GRPEL1: variants seen among roughly 807,000 people sequenced by gnomAD.
The protein encoded by GRPEL1 is grpE protein homolog 1, mitochondrial.
A neutral mutation model predicts 22.1 loss-of-function variants in GRPEL1; 13 were observed. That is an observed-to-expected ratio of 0.59 (90% CI 0.38 to 0.94). The LOEUF is 0.94. Ranked by LOEUF, GRPEL1 falls within the 40% of genes least tolerant of loss-of-function variation. The probability of loss-of-function intolerance (pLI) is 0.00; values close to 1 mark genes in which losing one functional copy is unlikely to be tolerated. For synonymous variants in GRPEL1, 109 were observed against 105.3 expected (o/e 1.03, Z -0.21); for missense variants, 289 against 264.6 (o/e 1.09, Z -0.64).
intron 1 of GRPEL1, 41 bp downstream of exon 1, chr4:7,067,930 C>A (rs768077104): frequency 3.6e-5 from 57 of 1,593,682 alleles, no homozygotes; most frequent in Non-Finnish European, 4.6e-5. Flanking sequence ...AGCGGGAGGT[C>A]GCGCTGCCAC....
Position 7,059,471 on chromosome 4 carries a change from G to C in GRPEL1, c.*1391C>G, listed in dbSNP as rs1723984188. The C allele has an allele frequency of 6.6e-6, 1 of 152,182 alleles. No homozygotes were observed. The highest frequency in any genetic ancestry group is 2.4e-5 in the African/African-American group (1 of 41,426). The allele number at this position is 152,182 out of a possible 1,614,324, so 9.4% of individuals were successfully genotyped here. A position where few individuals can be genotyped will look rare whatever the true frequency, so the allele number is the denominator to read the frequency against. Reference sequence around the variant, plus strand: ...CACAGCGTGAAAACAGGCAGCGCTGGAGCTCCCAGTCATGTTTTCTTCAAT... The same window carrying C: ...CACAGCGTGAAAACAGGCAGCGCTGCAGCTCCCAGTCATGTTTTCTTCAAT... On this transcript the variant is annotated 3_prime_UTR_variant, in exon 4 of 4. Coordinates refer to ENST00000264954, the MANE Select transcript of GRPEL1 (RefSeq NM_025196.4).
At chr4:7,061,749 A>C (rs1017859081) in intron 3 of GRPEL1, 4 of 155,716 alleles carry the variant, frequency 2.6e-5, no homozygotes, top group Non-Finnish European at 4.3e-5. Context: ...AAAGTGTTTC[A>C]ATGAGCGCCT....
rs1577222105 is a variant in GRPEL1, at chr4:7,064,343, C to T, written c.63-120G>A. The T allele has an allele frequency of 9.0e-6, 9 of 995,742 alleles. No individual in the cohort carries two copies. The East Asian group carries it at 2.4e-4, about 26-fold the overall frequency. 61.7% of individuals were successfully genotyped at this position (995,742 alleles called of 1,614,324 possible). A position where few individuals can be genotyped will look rare whatever the true frequency, so the allele number is the denominator to read the frequency against. On this transcript the variant is annotated intron_variant, in intron 1 of 3. Coordinates refer to ENST00000264954, the MANE Select transcript of GRPEL1 (RefSeq NM_025196.4). ...TATTTACTATTACTTGGGGAGAAAA[C>T]ATTTCTGTTAGATCTAATAAAGGCA...
chr4:7,064,655 C>T (rs1724125489), intron 1 of GRPEL1, among the ~76,000 whole-genome samples: 1 of 152,050 alleles, frequency 6.6e-6, no homozygotes, highest in South Asian at 2.1e-4. Flanking sequence ...CTCGTCACCA[C>T]ACCCGGCTAA....
rs1203628219 is a variant in GRPEL1, at chr4:7,061,024, G to A, written c.492C>T (p.Asn164=). The A allele has an allele frequency of 1.2e-6, 2 of 1,614,032 alleles. No homozygotes were observed. The highest frequency in any genetic ancestry group is 1.3e-5 in the African/African-American group (1 of 74,914). The part of the protein sequence containing the change: ...VFTKHGLLKL[N]PVGAKFDPYE... ...AAGGGTCGAACTTGGCTCCGACAGG[G>A]TTCAACTTGAGCAAGCCATGCTTTG... is the stretch of plus-strand genomic sequence containing the variant. The change falls in exon 4 of 4, where the codon AAC becomes AAT. Residue 164 remains asparagine (N), a synonymous_variant. Transcript: ENST00000264954.
intron 1 of GRPEL1, among the ~76,000 whole-genome samples, chr4:7,065,380 G>A: frequency 6.6e-6 from 1 of 152,088 alleles, no homozygotes; most frequent in Non-Finnish European, 1.5e-5. Flanking sequence ...CTGGCGTGGT[G>A]GTGCATGCCT....
In GRPEL1 at chr4:7,059,607, C is replaced by T. The variant is rs1213276909; in HGVS notation, c.*1255G>A. The T allele has an allele frequency of 7.2e-5, 11 of 152,206 alleles. No homozygotes were observed. The highest frequency in any genetic ancestry group is 9.6e-5 in the African/African-American group (4 of 41,468). 9.4% of individuals were successfully genotyped at this position (152,206 alleles called of 1,614,324 possible). A position where few individuals can be genotyped will look rare whatever the true frequency, so the allele number is the denominator to read the frequency against. ...TGAAGTATTATGGGACCATTACTTG[C>T]GTCTTTTAAAATTAGAAGTGAAATA... On this transcript the variant is annotated 3_prime_UTR_variant, in exon 4 of 4. Transcript: ENST00000264954.
rs1034104629 is a variant in GRPEL1 at position 7,059,305 on chromosome 4, G to A, written c.*1557C>T. 1 of 152,202 alleles carries A rather than the reference G, an allele frequency of 6.6e-6. No individual in the cohort carries two copies. The highest frequency in any genetic ancestry group is 1.5e-5 in the Non-Finnish European group (1 of 68,028). 9.4% of individuals were successfully genotyped at this position (152,202 alleles called of 1,614,324 possible). The stretch of plus-strand genomic sequence containing the variant: ...TTAAGCTATATTGCCTCTAGGTTAC[G>A]AGTTAAGTGCTTTTTAGCAACTGCA... On this transcript the variant is annotated 3_prime_UTR_variant, in exon 4 of 4. Coordinates refer to ENST00000264954, the MANE Select transcript of GRPEL1 (RefSeq NM_025196.4).
chr4:7,067,260 G>GAA (rs34723634), intron 1 of GRPEL1, among the ~76,000 whole-genome samples: 32 of 149,448 alleles, frequency 2.1e-4, no homozygotes, highest in South Asian at 8.4e-4. Context: ...GATTTGAGGG[G>GAA]AAAAAAAAAA....
At chr4:7,065,469 G>A (rs975826776) in intron 1 of GRPEL1, among the ~76,000 whole-genome samples, 5 of 151,024 alleles carry the variant, frequency 3.3e-5, no homozygotes, top group African/African-American at 4.9e-5. Flanking sequence ...AGCTGAGATC[G>A]CGCCACTGCA....
chr4:7,065,852 ACCT>A (rs1278772326), intron 1 of GRPEL1, among the ~76,000 whole-genome samples: 2 of 117,302 alleles, frequency 1.7e-5, no homozygotes, highest in African/African-American at 5.9e-5. Context: ...GGACCAGAGG[ACCT>A]CTTTTTTTTT....
rs550850972 is a variant in GRPEL1, at chr4:7,059,395, T to C, written c.*1467A>G. The stretch of plus-strand genomic sequence containing the variant: ...AAATGAGTTGATAAATTACTTTTCT[T>C]AGCCTCCATTTAACTCGGGAGCTCC... On this transcript the variant is annotated 3_prime_UTR_variant, in exon 4 of 4. Coordinates refer to ENST00000264954, the MANE Select transcript of GRPEL1 (RefSeq NM_025196.4). 2.0e-5 allele frequency: 3 copies of C among 152,350 alleles called. 1 individual carries two copies. Among genetic ancestry groups the C allele is most frequent in the South Asian group, 4.1e-4 (2 of 4,830 alleles). 9.4% of individuals were successfully genotyped at this position (152,350 alleles called of 1,614,324 possible).
chr4:7,064,960 T>C lies in GRPEL1; in HGVS notation c.63-737A>G, dbSNP rs79650233. On this transcript the variant is annotated intron_variant, in intron 1 of 3. Transcript: ENST00000264954. ...CAGGCATGAGCCACTGTGCCTGTCT[T>C]TTTTATAAGATCTTCTGTAAGTACA... 2.2e-3 allele frequency among the ~76,000 whole-genome samples: 329 copies of C among 152,300 alleles called. 2 individuals carry two copies. Among genetic ancestry groups the C allele is most frequent in the African/African-American group, 7.3e-3 (305 of 41,566 alleles).
intron 1 of GRPEL1, 48 bp from the exon 2 acceptor site, chr4:7,064,271 T>TA: frequency 6.4e-7 from 1 of 1,563,284 alleles, no homozygotes; most frequent in Non-Finnish European, 8.7e-7. Flanking sequence ...TTTTTGTGCT[T>TA]ATTAAAGTCA....
intron 3 of GRPEL1, chr4:7,061,529 C>A: frequency 3.6e-6 from 1 of 280,484 alleles, no homozygotes; most frequent in Admixed American, 5.0e-5. Flanking sequence ...TCGGAAGATC[C>A]GAGTTTGAAG....
In GRPEL1 at chr4:7,064,116, T is replaced by C; in HGVS notation, c.170A>G (p.Glu57Gly). ...GACCTTCTCTTCCAGGAGGGTCTTC[T>C]CTGTAGCAGGAGGATCTGCCTTCTG... ...SEQKADPPAT[E>G]KTLLEEKVKL... is the part of the protein sequence containing the mutation. Residue 57 changes from glutamate to glycine, a missense_variant, in exon 2 of 4, where the codon GAG (glutamate) becomes GGG (glycine). Physicochemically the swap from Glu to Gly is moderately conservative, Grantham distance 98. Transcript: ENST00000264954. The C allele has an allele frequency of 6.2e-7, 1 of 1,614,238 alleles. No homozygotes were observed.
rs1317287151 is a variant in GRPEL1, at chr4:7,060,659, G to A, written c.*203C>T. 3.4e-5 allele frequency: 20 copies of A among 594,418 alleles called. No homozygotes were observed. In the East Asian group the frequency reaches 4.5e-4, roughly 13 times the overall value. The allele number at this position is 594,418 out of a possible 1,614,324, so 36.8% of individuals were successfully genotyped here. ...CTGAAAGTATGTGGAACTATTCAAC[G>A]CGTGGCACTAAAAGGGAACAGACTC... is the stretch of plus-strand genomic sequence containing the variant. On this transcript the variant is annotated 3_prime_UTR_variant, in exon 4 of 4. Coordinates refer to ENST00000264954, the MANE Select transcript of GRPEL1 (RefSeq NM_025196.4).
intron 1 of GRPEL1, among the ~76,000 whole-genome samples, chr4:7,065,239 G>T (rs1724137002): frequency 2.6e-5 from 4 of 152,242 alleles, no homozygotes; most frequent in Admixed American, 1.3e-4. Flanking sequence ...ATTAAGACAG[G>T]TTCGCTGGCT....
Position 7,060,588 on chromosome 4 carries a change from T to G in GRPEL1, c.*274A>C, listed in dbSNP as rs369645511. The G allele has an allele frequency of 1.7e-5, 8 of 475,206 alleles. No individual in the cohort carries two copies. Among genetic ancestry groups the G allele is most frequent in the African/African-American group, 1.2e-4 (6 of 51,770 alleles). 29.4% of individuals were successfully genotyped at this position (475,206 alleles called of 1,614,324 possible). On this transcript the variant is annotated 3_prime_UTR_variant, in exon 4 of 4. Transcript: ENST00000264954. The stretch of plus-strand genomic sequence containing the variant: ...TGTCAGCAGAGTCTGAGCAGACACG[T>G]TACTCATGATGCTCGGGAGACCAGG...
Sources: gnomAD v4.1 joint callset for allele counts (sites outside exome capture counted in the v4.1 genomes callset) on GRCh38, gnomAD v4.1.1 for gene constraint, MANE v1.5 for transcripts, NCBI Gene and HGNC (gene_info 2026-07-23, HGNC 2026-07-21) for gene names.